Variants in ZFP69B observed in about 807,000 individuals in gnomAD.
ZFP69B encodes the protein ZFP69 zinc finger protein B.
Under a neutral mutation model 19.7 loss-of-function variants are expected in ZFP69B, and 20 were observed. The observed-to-expected ratio is 1.02, with a 90% CI of 0.71 to 1.48. ZFP69B has a LOEUF of 1.48. Ranked by LOEUF, ZFP69B falls within the 40% of genes most tolerant of loss-of-function variation. The pLI is 0.00. For synonymous variants in ZFP69B, 220 were observed against 222.7 expected, an observed-to-expected ratio of 0.99 and a Z score of 0.11; for missense variants, 583 against 632.6, an observed-to-expected ratio of 0.92 and a Z score of 0.84.
chr1:40,463,236 C>T lies in ZFP69B; in HGVS notation c.1252C>T (p.Pro418Ser). Reference protein sequence around the residue: ...QHEIIHTGVKPYICNVCSKTF... With the variant: ...QHEIIHTGVKSYICNVCSKTF... ...TGAGATTATTCATACTGGTGTGAAA[C>T]CCTATATTTGTAATGTATGTAGTAA... The change falls in exon 5 of 5, where the codon CCC (proline) becomes TCC (serine). Residue 418 changes from proline to serine, a missense_variant. Pro to Ser is a moderately conservative substitution (Grantham distance 74). Transcript: ENST00000361584. The T allele has an allele frequency of 6.2e-7, 1 of 1,614,102 alleles. No individual in the cohort carries two copies. The highest frequency in any genetic ancestry group is 8.5e-7 in the Non-Finnish European group (1 of 1,180,018).
At chr1:40,457,913 T>C (rs979786693) in intron 4 of ZFP69B, among the ~76,000 whole-genome samples, 8 of 152,370 alleles carry the variant, frequency 5.3e-5, no homozygotes, top group South Asian at 2.1e-4. Context: ...TTTTAACTTG[T>C]GTAATTTAAC....
intron 1 of ZFP69B, among the ~76,000 whole-genome samples, chr1:40,453,733 G>A (rs958094420): frequency 6.6e-6 from 1 of 152,128 alleles, no homozygotes; most frequent in African/African-American, 2.4e-5. Context: ...TTAGTTGGGC[G>A]TGGTGTCACA....
At chr1:40,457,645 G>C (rs375121415) in intron 4 of ZFP69B, among the ~76,000 whole-genome samples, 15 of 152,162 alleles carry the variant, frequency 9.9e-5, no homozygotes, top group African/African-American at 3.4e-4. Context: ...TCTCATCAGA[G>C]TTAACCTTCT....
intron 4 of ZFP69B, among the ~76,000 whole-genome samples, chr1:40,461,100 C>T (rs1160930236): frequency 2.0e-5 from 3 of 147,576 alleles, no homozygotes; most frequent in Non-Finnish European, 4.5e-5. Context: ...GAGTCAAGAT[C>T]GCCCCACTCC....
At position 40,457,002 on chromosome 1, in the gene ZFP69B, C is replaced by G; in HGVS notation, c.271C>G (p.Leu91Val). Reference protein sequence around the residue: ...VDFTQEEWGQLAPAHRNLYRE... With the variant: ...VDFTQEEWGQVAPAHRNLYRE... ...CTTCACTCAGGAGGAGTGGGGGCAG[C>G]TGGCCCCTGCTCACCGGAATCTGTA... Residue 91 changes from leucine to valine, a missense_variant, in exon 3 of 5, where the codon CTG becomes GTG. Coordinates refer to ENST00000361584, the MANE Select transcript of ZFP69B (RefSeq NM_023070.3). 1.2e-6 allele frequency: 2 copies of G among 1,613,966 alleles called. No individual in the cohort carries two copies. Among genetic ancestry groups the G allele is most frequent in the Non-Finnish European group, 1.7e-6 (2 of 1,179,928 alleles).
rs563817775 is a variant in ZFP69B at position 40,451,233 on chromosome 1, G to A, written c.127+145G>A. The A allele has an allele frequency of 1.7e-4, 173 of 1,030,084 alleles. 1 individual carries two copies. The South Asian group carries it at 3.7e-3, about 22-fold the overall frequency. 63.8% of individuals were successfully genotyped at this position (1,030,084 alleles called of 1,614,324 possible). ...TGTTGATTGTGGCTCCTAGTCTGGGGTTTTCCTAAGTAGTGGTGGTCTTTT... is the reference window on the plus strand; with the variant it reads ...TGTTGATTGTGGCTCCTAGTCTGGGATTTTCCTAAGTAGTGGTGGTCTTTT... On this transcript the variant is annotated intron_variant, in intron 1 of 4. Coordinates refer to ENST00000361584, the MANE Select transcript of ZFP69B (RefSeq NM_023070.3).
intron 1 of ZFP69B, among the ~76,000 whole-genome samples, chr1:40,452,380 C>G (rs1017550658): frequency 6.6e-6 from 1 of 152,170 alleles, no homozygotes; most frequent in African/African-American, 2.4e-5. Flanking sequence ...TATAAAGCAC[C>G]TGGTACCACC....
chr1:40,450,204 G>A (rs1227313391), upstream of ZFP69B: 5 of 152,328 alleles, frequency 3.3e-5, no homozygotes, highest in Non-Finnish European at 7.3e-5. Flanking sequence ...CGGGCTTGGG[G>A]AGCTGGGCGA....
chr1:40,461,653 G>A (rs143406423), intron 4 of ZFP69B, among the ~76,000 whole-genome samples: 5 of 152,134 alleles, frequency 3.3e-5, no homozygotes, highest in South Asian at 2.1e-4. Context: ...AAATTAGCCA[G>A]GTATGGTGGC....
chr1:40,452,032 C>G (rs1424642492), intron 1 of ZFP69B, among the ~76,000 whole-genome samples: 1 of 151,940 alleles, frequency 6.6e-6, no homozygotes, highest in African/African-American at 2.4e-5. Flanking sequence ...GGTTGAGGCA[C>G]GAGAATCGCT....
At position 40,451,000 on chromosome 1, in the gene ZFP69B, C is replaced by G. The variant is rs1425863613; in HGVS notation, c.39C>G (p.Ala13=). 2.6e-6 allele frequency: 4 copies of G among 1,551,400 alleles called. No individual in the cohort carries two copies. The Admixed American group carries it at 7.8e-5, about 30-fold the overall frequency. Reference sequence around the variant, plus strand: ...TCCTGATCACCCTGCCCACCGAGGCCAGCACCTGGGTGAAGTTGCGTCATC... The same window carrying G: ...TCCTGATCACCCTGCCCACCGAGGCGAGCACCTGGGTGAAGTTGCGTCATC... The part of the protein sequence containing the change: ...QQLLITLPTE[A]STWVKLRHPK... The change falls in exon 1 of 5, where the codon GCC becomes GCG. Residue 13 remains alanine (A), a synonymous_variant. Coordinates refer to ENST00000361584, the MANE Select transcript of ZFP69B (RefSeq NM_023070.3).
At chr1:40,452,638 G>A (rs930862008) in intron 1 of ZFP69B, among the ~76,000 whole-genome samples, 2 of 152,162 alleles carry the variant, frequency 1.3e-5, no homozygotes, top group African/African-American at 2.4e-5. Flanking sequence ...TCCTGGTTTG[G>A]AAAAAATCCA....
At chr1:40,453,935 CTTTCA>C (rs1645209437) in intron 1 of ZFP69B, among the ~76,000 whole-genome samples, 1 of 152,058 alleles carries the variant, frequency 6.6e-6, no homozygotes, top group Non-Finnish European at 1.5e-5. Flanking sequence ...TTGCATTTTT[CTTTCA>C]TGTCAGTGGG....
Position 40,463,017 on chromosome 1 carries a change from A to C in ZFP69B, c.1033A>C (p.Arg345=). Residue 345 remains arginine, a synonymous_variant, in exon 5 of 5, where the codon AGA becomes CGA. Transcript: ENST00000361584. Reference sequence around the variant, plus strand: ...ATGTAAGGAGTGTGGGAAAACCTTCAGACATCCTTCATCGCTTACTCAACA... The same window carrying C: ...ATGTAAGGAGTGTGGGAAAACCTTCCGACATCCTTCATCGCTTACTCAACA... ...YECKECGKTF[R]HPSSLTQHVR... 6.2e-7 allele frequency: 1 copy of C among 1,614,204 alleles called. No homozygotes were observed. The highest frequency in any genetic ancestry group is 8.5e-7 in the Non-Finnish European group (1 of 1,180,038).
Position 40,450,490 on chromosome 1 carries a change from G to A in ZFP69B, c.-472G>A, listed in dbSNP as rs1645174882. On this transcript the variant is annotated 5_prime_UTR_variant, in exon 1 of 5. The change creates a new upstream start codon in the 5' untranslated region. Transcript: ENST00000361584. ...AGAATTGGGTTGTATTCGTCTCTTT[G>A]TGCTTCCTGACATGTGCGCGGTGCT... Among the ~76,000 whole-genome samples the A allele has an allele frequency of 6.6e-6, 1 of 152,176 alleles. No individual in the cohort carries two copies. Among genetic ancestry groups the A allele is most frequent in the Admixed American group, 6.5e-5 (1 of 15,284 alleles).
At position 40,462,992 on chromosome 1, in the gene ZFP69B, A is replaced by G. The variant is rs537532571; in HGVS notation, c.1008A>G (p.Glu336=). 29 of 1,614,082 alleles carry G rather than the reference A, an allele frequency of 1.8e-5. No homozygotes were observed. ...TTCATACTGGTGAGAAACCCTATGAATGTAAGGAGTGTGGGAAAACCTTCA... is the reference window on the plus strand; with the variant it reads ...TTCATACTGGTGAGAAACCCTATGAGTGTAAGGAGTGTGGGAAAACCTTCA... The part of the protein sequence containing the change: ...QRIHTGEKPY[E]CKECGKTFRH... The change falls in exon 5 of 5, where the codon GAA becomes GAG. Residue 336 remains glutamate (E), a synonymous_variant. Coordinates refer to ENST00000361584, the MANE Select transcript of ZFP69B (RefSeq NM_023070.3).
rs765960499 is a variant in ZFP69B at position 40,463,576 on chromosome 1, G to C, written c.1592G>C (p.Ser531Thr). Residue 531 changes from serine (S) to threonine (T), a missense_variant, in exon 5 of 5, where the codon AGC becomes ACC. Coordinates refer to ENST00000361584, the MANE Select transcript of ZFP69B (RefSeq NM_023070.3). The part of the protein sequence containing the change: ...HCKTHLRNTF[S>T]NVV Reference sequence around the variant, plus strand: ...AAAACACATTTAAGAAATACCTTCAGCAATGTTGTGTGAAATATACTAAAC... The same window carrying C: ...AAAACACATTTAAGAAATACCTTCACCAATGTTGTGTGAAATATACTAAAC... 1.2e-6 allele frequency: 2 copies of C among 1,604,150 alleles called. No homozygotes were observed. The highest frequency in any genetic ancestry group is 2.7e-5 in the African/African-American group (2 of 74,542).
chr1:40,455,060 C>G (rs762164632), intron 2 of ZFP69B, among the ~76,000 whole-genome samples: 1 of 152,004 alleles, frequency 6.6e-6, no homozygotes, highest in Non-Finnish European at 1.5e-5. Flanking sequence ...TGGTCAAGTC[C>G]TAGAGCAGAA....
intron 1 of ZFP69B, among the ~76,000 whole-genome samples, chr1:40,451,653 TGGG>T (rs371723102): frequency 9.0e-6 from 1 of 111,008 alleles, no homozygotes; most frequent in African/African-American, 3.2e-5. Flanking sequence ...GAGAAAGACG[TGGG>T]GGGGGGGGAA....
Sources: gnomAD v4.1 joint callset for allele counts (sites outside exome capture counted in the v4.1 genomes callset) on GRCh38, gnomAD v4.1.1 for gene constraint, MANE v1.5 for transcripts, NCBI Gene and HGNC (gene_info 2026-07-23, HGNC 2026-07-21) for gene names.